Variants in MYT1L observed in about 807,000 individuals in gnomAD.
MYT1L encodes myelin transcription factor 1-like protein.
Under a neutral mutation model 126.7 loss-of-function variants are expected in MYT1L, and 12 were observed. That is an observed-to-expected ratio of 0.09 (90% CI 0.06 to 0.15). MYT1L has a LOEUF of 0.15. Among genes scored for constraint, MYT1L ranks in the 10% least tolerant of loss-of-function variants. MYT1L has a pLI of 1.00. For synonymous variants in MYT1L, 541 were observed against 604.2 expected, an observed-to-expected ratio of 0.90 and a Z score of 1.53; for missense variants, 979 against 1,585.2, an observed-to-expected ratio of 0.62 and a Z score of 6.49.
chr2:1,840,607 TA>T (rs2041531141), intron 20 of MYT1L, among the ~76,000 whole-genome samples, 152 bp downstream of exon 20: 1 of 152,194 alleles, frequency 6.6e-6, no homozygotes, highest in South Asian at 2.1e-4. Context: ...GGTTTGGGTC[TA>T]AGTTATCTGA....
chr2:2,012,124 T>C (rs1319251507), intron 4 of MYT1L, among the ~76,000 whole-genome samples: 10 of 152,224 alleles, frequency 6.6e-5, no homozygotes, highest in Non-Finnish European at 5.9e-5. Flanking sequence ...ATAAAGACTG[T>C]ATATGTTTAC....
At chr2:1,911,310 C>T (rs1309700633) in intron 12 of MYT1L, among the ~76,000 whole-genome samples, 1 of 152,072 alleles carries the variant, frequency 6.6e-6, no homozygotes, top group East Asian at 1.9e-4. Flanking sequence ...CTTTTAGATA[C>T]AATTTTACGT....
At chr2:1,831,135 G>A (rs954652745) in intron 21 of MYT1L, among the ~76,000 whole-genome samples, 2 of 151,754 alleles carry the variant, frequency 1.3e-5, no homozygotes, top group African/African-American at 2.4e-5. Context: ...CCACTCGGGT[G>A]CCCGACGCGT....
At chr2:2,232,338 G>T (rs960168350) in intron 2 of MYT1L, among the ~76,000 whole-genome samples, 17 of 152,236 alleles carry the variant, frequency 1.1e-4, no homozygotes, top group African/African-American at 4.1e-4. Context: ...AACACAACAA[G>T]AACTCAAGTG....
chr2:2,243,225 C>T (rs917557019), intron 2 of MYT1L, among the ~76,000 whole-genome samples: 1 of 151,778 alleles, frequency 6.6e-6, no homozygotes, highest in Non-Finnish European at 1.5e-5. Context: ...GTTTCCTCAA[C>T]AACAAGTTAA....
At chr2:2,220,062 T>C (rs73177817) in intron 2 of MYT1L, among the ~76,000 whole-genome samples, 2,627 of 151,574 alleles carry the variant, frequency 0.017, 69 homozygotes, top group African/African-American at 0.061. Context: ...GAGGGGAGGA[T>C]GGAAAAGTGG....
At chr2:1,876,031 GTC>G (rs1239900934) in intron 18 of MYT1L, among the ~76,000 whole-genome samples, 1 of 152,162 alleles carries the variant, frequency 6.6e-6, no homozygotes. Context: ...GTACAGTTCT[GTC>G]CACGTGCACA....
chr2:2,092,404 G>C (rs1025212105), intron 3 of MYT1L, among the ~76,000 whole-genome samples: 4 of 152,098 alleles, frequency 2.6e-5, no homozygotes, highest in African/African-American at 4.8e-5. Flanking sequence ...GTGCCCTCCA[G>C]AAATTACAAT....
At chr2:2,167,648 A>G (rs186739274) in intron 3 of MYT1L, among the ~76,000 whole-genome samples, 2 of 152,206 alleles carry the variant, frequency 1.3e-5, no homozygotes, top group East Asian at 3.9e-4. Flanking sequence ...TGCTGTTACC[A>G]CATCTGAACT....
intron 18 of MYT1L, among the ~76,000 whole-genome samples, chr2:1,871,601 G>A (rs1005107535): frequency 2.6e-5 from 4 of 152,156 alleles, no homozygotes; most frequent in African/African-American, 4.8e-5. Context: ...AGGGGTGAAG[G>A]GTCTGGATCG....
chr2:1,855,894 A>G (rs9750509), intron 18 of MYT1L, among the ~76,000 whole-genome samples: 11,559 of 152,178 alleles, frequency 0.076, 483 homozygotes, highest in South Asian at 0.12. Flanking sequence ...GAATTGAAGA[A>G]AAAATAACTT....
intron 21 of MYT1L, among the ~76,000 whole-genome samples, chr2:1,837,151 CATA>C (rs1241777404): frequency 2.0e-5 from 3 of 152,166 alleles, no homozygotes; most frequent in Non-Finnish European, 4.4e-5. Context: ...CTGACCCTAA[CATA>C]CAATGCAACC....
At chr2:2,095,165 G>T (rs924259023) in intron 3 of MYT1L, among the ~76,000 whole-genome samples, 1 of 152,178 alleles carries the variant, frequency 6.6e-6, no homozygotes, top group Non-Finnish European at 1.5e-5. Flanking sequence ...CCCAGGGGGT[G>T]CCCCCAAGTT....
intron 4 of MYT1L, among the ~76,000 whole-genome samples, chr2:2,001,069 T>C (rs2062322062): frequency 6.6e-6 from 1 of 152,204 alleles, no homozygotes; most frequent in Admixed American, 6.5e-5. Context: ...TCATTCTTAA[T>C]GCTTGACATT....
intron 8 of MYT1L, among the ~76,000 whole-genome samples, chr2:1,963,662 C>A (rs1310226203): frequency 6.6e-6 from 1 of 152,332 alleles, no homozygotes; most frequent in Admixed American, 6.5e-5. Context: ...TGCTACTTTA[C>A]CTTGTACTTT....
In MYT1L at chr2:1,930,796, G is replaced by A. The variant is rs76264722; in HGVS notation, c.506-7533C>T. On this transcript the variant is annotated intron_variant, in intron 9 of 24. Coordinates refer to ENST00000647738, the MANE Select transcript of MYT1L (RefSeq NM_001303052.2). ...GCATGTTTTTAAACTTTTAGGTTCGGGGGTCCATGTGCAGGTTTGTTTTAT... is the reference window on the plus strand; with the variant it reads ...GCATGTTTTTAAACTTTTAGGTTCGAGGGTCCATGTGCAGGTTTGTTTTAT... Among the ~76,000 whole-genome samples, 515 of 152,280 alleles carry A rather than the reference G, an allele frequency of 3.4e-3. 5 individuals are homozygous for A. Among genetic ancestry groups the A allele is most frequent in the African/African-American group, 0.012 (497 of 41,542 alleles).
intron 8 of MYT1L, among the ~76,000 whole-genome samples, chr2:1,952,863 T>C: frequency 1.5e-5 from 1 of 67,272 alleles, no homozygotes; most frequent in African/African-American, 8.1e-5. Flanking sequence ...CTTACCTCCT[T>C]CTTTCCCTTC....
At chr2:2,102,197 T>C (rs1390589138) in intron 3 of MYT1L, among the ~76,000 whole-genome samples, 2 of 152,202 alleles carry the variant, frequency 1.3e-5, no homozygotes, top group Non-Finnish European at 2.9e-5. Context: ...AGAAATTATA[T>C]ATGTTTTGGC....
chr2:2,100,257 G>A (rs528886401), intron 3 of MYT1L, among the ~76,000 whole-genome samples: 39 of 152,200 alleles, frequency 2.6e-4, no homozygotes, highest in African/African-American at 8.9e-4. Flanking sequence ...GGACAGAAGC[G>A]GGCACCAGTG....
Sources: gnomAD v4.1 joint callset for allele counts (sites outside exome capture counted in the v4.1 genomes callset) on GRCh38, gnomAD v4.1.1 for gene constraint, MANE v1.5 for transcripts, NCBI Gene and HGNC (gene_info 2026-07-23, HGNC 2026-07-21) for gene names.